The following ZFAND3 variants were observed in gnomAD, a reference collection of about 807,000 sequenced individuals.
ZFAND3 encodes zinc finger AN1-type containing 3.
ZFAND3 carries 10 observed loss-of-function variants against 29.6 expected under a neutral mutation model. The observed-to-expected ratio is 0.34, with a 90% CI of 0.21 to 0.57. ZFAND3 has a LOEUF of 0.57. Among genes scored for constraint, ZFAND3 ranks in the 20% least tolerant of loss-of-function variants. The pLI, the probability that ZFAND3 is intolerant of heterozygous loss-of-function variation, is 0.86. For synonymous variants in ZFAND3, 128 were observed against 112.6 expected (o/e 1.14, Z -0.87); for missense variants, 230 against 304.5 (o/e 0.76, Z 1.82).
intron 5 of ZFAND3, among the ~76,000 whole-genome samples, chr6:38,148,506 A>C (rs1766154783): frequency 1.3e-5 from 2 of 152,196 alleles, no homozygotes; most frequent in Non-Finnish European, 2.9e-5. Context: ...TGGCCTAGCT[A>C]ACATGACTAT....
intron 2 of ZFAND3, among the ~76,000 whole-genome samples, chr6:37,981,407 T>C (rs1762577894): frequency 6.6e-6 from 1 of 152,184 alleles, no homozygotes; most frequent in Admixed American, 6.5e-5. Flanking sequence ...ATATTCTCTT[T>C]TAAAAATAAC....
intron 2 of ZFAND3, among the ~76,000 whole-genome samples, chr6:37,944,324 T>C (rs549762345): frequency 2.0e-5 from 3 of 152,212 alleles, no homozygotes; most frequent in Non-Finnish European, 2.9e-5. Context: ...TGAAAATCTT[T>C]ATTATAGATT....
At chr6:37,850,560 CACT>C (rs1764262045) in intron 1 of ZFAND3, among the ~76,000 whole-genome samples, 1 of 152,056 alleles carries the variant, frequency 6.6e-6, no homozygotes, top group South Asian at 2.1e-4. Flanking sequence ...ACACAAATAC[CACT>C]GTGTCACAGT....
intron 3 of ZFAND3, among the ~76,000 whole-genome samples, chr6:38,073,104 A>G (rs73730862): frequency 1.3e-5 from 2 of 152,314 alleles, no homozygotes; most frequent in African/African-American, 2.4e-5. Context: ...GCTATGGGAA[A>G]GGCTCAGCAA....
chr6:37,993,317 A>ATTAT (rs376405008), intron 2 of ZFAND3, among the ~76,000 whole-genome samples: 10,919 of 151,342 alleles, frequency 0.072, 460 homozygotes, highest in Non-Finnish European at 0.088. Flanking sequence ...ATTTTATTTT[A>ATTAT]TTATTTATTT....
At chr6:37,916,581 ACCCT>A (rs1283088945) in intron 1 of ZFAND3, among the ~76,000 whole-genome samples, 1 of 151,954 alleles carries the variant, frequency 6.6e-6, no homozygotes, top group Non-Finnish European at 1.5e-5. Flanking sequence ...AATTGCTTGA[ACCCT>A]GGAGGCAGAG....
At chr6:37,932,217 C>T (rs1025576128) in intron 2 of ZFAND3, among the ~76,000 whole-genome samples, 18 of 151,256 alleles carry the variant, frequency 1.2e-4, no homozygotes, top group Admixed American at 2.6e-4. Flanking sequence ...TGCAGTGAGC[C>T]GAGATCACGC....
At chr6:37,931,550 A>C (rs1761595418) in intron 2 of ZFAND3, among the ~76,000 whole-genome samples, 1 of 151,756 alleles carries the variant, frequency 6.6e-6, no homozygotes, top group Non-Finnish European at 1.5e-5. Flanking sequence ...CTCAAAAAAA[A>C]AAAAACAAAA....
At chr6:37,858,026 G>A (rs747738002) in intron 1 of ZFAND3, among the ~76,000 whole-genome samples, 10 of 152,174 alleles carry the variant, frequency 6.6e-5, no homozygotes, top group African/African-American at 1.9e-4. Flanking sequence ...TACTCTTGGT[G>A]GAGAGAGCTT....
chr6:37,843,286 C>T (rs1477130206), intron 1 of ZFAND3, among the ~76,000 whole-genome samples: 2 of 151,942 alleles, frequency 1.3e-5, no homozygotes, highest in Non-Finnish European at 2.9e-5. Context: ...GAGATTGAGA[C>T]CATCCTGGCT....
chr6:38,038,079 C>T (rs1049424677), intron 2 of ZFAND3, among the ~76,000 whole-genome samples: 2 of 152,170 alleles, frequency 1.3e-5, no homozygotes, highest in African/African-American at 4.8e-5. Context: ...TGGCAGTCTG[C>T]GTGTAGGGCC....
chr6:38,069,431 G>A (rs747201792), intron 3 of ZFAND3, among the ~76,000 whole-genome samples: 2 of 152,106 alleles, frequency 1.3e-5, no homozygotes, highest in Non-Finnish European at 2.9e-5. Context: ...GAGTTTTTCC[G>A]ATATATAATA....
chr6:38,148,619 TTCAA>T (rs1288896272), intron 5 of ZFAND3, among the ~76,000 whole-genome samples: 1 of 152,190 alleles, frequency 6.6e-6, no homozygotes, highest in Non-Finnish European at 1.5e-5. Flanking sequence ...GATCCCAGAA[TTCAA>T]TCAGAGAGCA....
intron 2 of ZFAND3, among the ~76,000 whole-genome samples, chr6:38,023,204 T>C (rs1002313323): frequency 1.3e-5 from 2 of 152,170 alleles, no homozygotes; most frequent in African/African-American, 4.8e-5. Flanking sequence ...GTTTTATCCT[T>C]CCGATAGGTT....
At chr6:37,839,386 T>C (rs1764028855) in intron 1 of ZFAND3, among the ~76,000 whole-genome samples, 1 of 152,108 alleles carries the variant, frequency 6.6e-6, no homozygotes, top group South Asian at 2.1e-4. Flanking sequence ...TTCACCGTGT[T>C]AGCTGGGATG....
At chr6:37,861,408 G>C (rs1381243507) in intron 1 of ZFAND3, among the ~76,000 whole-genome samples, 2 of 152,154 alleles carry the variant, frequency 1.3e-5, no homozygotes, top group African/African-American at 4.8e-5. Context: ...GACAGGAGCG[G>C]GGAGGAAAAG....
intron 5 of ZFAND3, among the ~76,000 whole-genome samples, chr6:38,126,952 T>C (rs1244318312): frequency 6.6e-6 from 1 of 152,088 alleles, no homozygotes; most frequent in African/African-American, 2.4e-5. Flanking sequence ...CTTAGAAATA[T>C]ATCATTTTAT....
At chr6:37,841,804 A>T (rs754566275) in intron 1 of ZFAND3, among the ~76,000 whole-genome samples, 1 of 152,180 alleles carries the variant, frequency 6.6e-6, no homozygotes, top group Non-Finnish European at 1.5e-5. Context: ...TTTGAAGTAC[A>T]ATTTATATAC....
intron 1 of ZFAND3, among the ~76,000 whole-genome samples, chr6:37,842,412 C>G (rs1764095204): frequency 6.6e-6 from 1 of 152,096 alleles, no homozygotes; most frequent in African/African-American, 2.4e-5. Flanking sequence ...TAAATGGAGT[C>G]ATATGCTGTG....
Sources: allele counts gnomAD v4.1 joint callset (sites outside exome capture counted in the v4.1 genomes callset), GRCh38; gene constraint gnomAD v4.1.1; transcripts MANE v1.5; gene names NCBI Gene and HGNC (gene_info 2026-07-23, HGNC 2026-07-21).